Variants in NRG3 observed in about 807,000 individuals in gnomAD.
NRG3 encodes neuregulin 3.
In NRG3, 31 loss-of-function variants were observed where a neutral mutation model predicts 66.9. The observed-to-expected ratio is 0.46, with a 90% CI of 0.35 to 0.63. The LOEUF (loss-of-function observed/expected upper bound fraction) is 0.63. Ranked by LOEUF, NRG3 falls within the 20% of genes least tolerant of loss-of-function variation. NRG3 has a pLI of 0.00. For synonymous variants in NRG3, 393 were observed against 359.4 expected (o/e 1.09, Z -1.06); for missense variants, 910 against 878.9 (o/e 1.04, Z -0.45).
intron 2 of NRG3, among the ~76,000 whole-genome samples, chr10:82,526,178 C>T (rs1298298186): frequency 6.6e-6 from 1 of 151,476 alleles, no homozygotes; most frequent in Non-Finnish European, 1.5e-5. Flanking sequence ...GCTATAATCA[C>T]TAAAGGAATA....
intron 3 of NRG3, among the ~76,000 whole-genome samples, chr10:82,760,053 AG>A (rs1232839011): frequency 2.0e-5 from 3 of 152,282 alleles, no homozygotes; most frequent in African/African-American, 7.2e-5. Flanking sequence ...TCAGAGGATT[AG>A]GGTAACCTCC....
At chr10:82,399,216 T>C (rs12245090) in intron 2 of NRG3, among the ~76,000 whole-genome samples, 63,398 of 151,994 alleles carry the variant, frequency 0.42, 16,539 homozygotes, top group African/African-American at 0.74. Context: ...CCAAAATGAC[T>C]ACTGCTATGA....
intron 2 of NRG3, among the ~76,000 whole-genome samples, chr10:82,673,210 C>T (rs923047782): frequency 6.6e-6 from 1 of 152,202 alleles, no homozygotes; most frequent in Non-Finnish European, 1.5e-5. Flanking sequence ...CGCCTTGCAC[C>T]CTGAGCTGCT....
At chr10:82,450,453 T>C (rs1313542061) in intron 2 of NRG3, among the ~76,000 whole-genome samples, 23 of 152,138 alleles carry the variant, frequency 1.5e-4, no homozygotes, top group Admixed American at 1.5e-3. Flanking sequence ...TTCTCCTTGG[T>C]GGGAAAACTC....
chr10:82,126,898 G>A (rs1046221006), intron 1 of NRG3, among the ~76,000 whole-genome samples: 2 of 152,076 alleles, frequency 1.3e-5, no homozygotes, highest in Non-Finnish European at 2.9e-5. Context: ...ACAGTTGGCA[G>A]TACAGAAGGG....
At chr10:82,722,837 G>T (rs976888917) in intron 2 of NRG3, among the ~76,000 whole-genome samples, 7 of 152,092 alleles carry the variant, frequency 4.6e-5, no homozygotes, top group Admixed American at 2.6e-4. Context: ...AGTTTCCAAA[G>T]TTGGTCTTCA....
At chr10:82,822,056 G>A (rs899767945) in intron 3 of NRG3, among the ~76,000 whole-genome samples, 1 of 152,072 alleles carries the variant, frequency 6.6e-6, no homozygotes, top group Non-Finnish European at 1.5e-5. Flanking sequence ...ATGAGTCAAT[G>A]GAGACCCACA....
At position 82,846,519 on chromosome 10, in the gene NRG3, T is replaced by C. The variant is rs577942801; in HGVS notation, c.1028-18892T>C. On this transcript the variant is annotated intron_variant, in intron 3 of 8. Transcript: ENST00000372141. ...TATTATTTTTCAGTATCAAATAGAA[T>C]TCAAAGAAGAAAGCTGTTTAATGTT... Among the ~76,000 whole-genome samples, 30 of 152,264 alleles carry C rather than the reference T, an allele frequency of 2.0e-4. 2 individuals carry two copies. In the East Asian group the frequency reaches 5.8e-3, roughly 29 times the overall value.
intron 2 of NRG3, among the ~76,000 whole-genome samples, chr10:82,425,177 A>C (rs1353419501): frequency 6.6e-6 from 1 of 152,072 alleles, no homozygotes; most frequent in East Asian, 1.9e-4. Context: ...TTTTGGCAAA[A>C]AGGCCAGCTG....
intron 4 of NRG3, among the ~76,000 whole-genome samples, chr10:82,874,416 C>T: frequency 6.9e-6 from 1 of 144,346 alleles, no homozygotes; most frequent in African/African-American, 2.6e-5. Flanking sequence ...AAGCTGAAGT[C>T]TCTGAAGTAG....
At chr10:82,617,314 G>A (rs1190890167) in intron 2 of NRG3, among the ~76,000 whole-genome samples, 5 of 135,398 alleles carry the variant, frequency 3.7e-5, no homozygotes, top group African/African-American at 8.4e-5. Context: ...CCACACACAC[G>A]CACACATAGA....
chr10:82,357,098 G>C (rs2083831915), intron 1 of NRG3, among the ~76,000 whole-genome samples: 1 of 152,208 alleles, frequency 6.6e-6, no homozygotes, highest in African/African-American at 2.4e-5. Flanking sequence ...GAGGATTTCT[G>C]GGTGTCTTCA....
At chr10:82,743,438 T>A (rs1263469136) in intron 3 of NRG3, among the ~76,000 whole-genome samples, 3 of 152,112 alleles carry the variant, frequency 2.0e-5, no homozygotes, top group African/African-American at 7.2e-5. Flanking sequence ...CCACTGGGTT[T>A]GTGTGCCTCA....
chr10:82,130,909 G>A (rs2068777618), intron 1 of NRG3, among the ~76,000 whole-genome samples: 1 of 152,036 alleles, frequency 6.6e-6, no homozygotes, highest in Non-Finnish European at 1.5e-5. Flanking sequence ...TTCCTATGGA[G>A]TTGTTTGAGC....
intron 1 of NRG3, among the ~76,000 whole-genome samples, chr10:81,966,300 AAT>A (rs2059728084): frequency 6.7e-6 from 1 of 150,322 alleles, no homozygotes; most frequent in Non-Finnish European, 1.5e-5. Flanking sequence ...ATATAAATGT[AAT>A]ATGTGTATAT....
chr10:82,433,670 T>C (rs1001808908), intron 2 of NRG3, among the ~76,000 whole-genome samples: 3 of 152,226 alleles, frequency 2.0e-5, no homozygotes, highest in African/African-American at 7.2e-5. Context: ...TGCATATGGC[T>C]AGCAAGTTTT....
At chr10:82,693,999 A>G (rs1202068329) in intron 2 of NRG3, among the ~76,000 whole-genome samples, 1 of 152,204 alleles carries the variant, frequency 6.6e-6, no homozygotes, top group Non-Finnish European at 1.5e-5. Flanking sequence ...TCCATTTTAC[A>G]GAGTGCTGAT....
rs1221247833 is a variant in NRG3 at position 82,331,334 on chromosome 10, C to T, written c.824-27405C>T. On this transcript the variant is annotated intron_variant, in intron 1 of 8. Coordinates refer to ENST00000372141, the MANE Select transcript of NRG3 (RefSeq NM_001010848.4). Reference sequence around the variant, plus strand: ...ATTTCCATGCAAGTGCTATTTTTACCAGTCTCAGAATTGTGTAAAAGGCTT... The same window carrying T: ...ATTTCCATGCAAGTGCTATTTTTACTAGTCTCAGAATTGTGTAAAAGGCTT... 7.2e-5 allele frequency among the ~76,000 whole-genome samples: 11 copies of T among 152,270 alleles called. No individual in the cohort carries two copies. In the East Asian group the frequency reaches 1.9e-3, roughly 27 times the overall value.
intron 1 of NRG3, among the ~76,000 whole-genome samples, chr10:82,302,503 A>G (rs952176802): frequency 2.6e-5 from 4 of 152,098 alleles, no homozygotes; most frequent in African/African-American, 9.7e-5. Context: ...ACTATAATGC[A>G]TACATTTTGT....
Sources: allele counts gnomAD v4.1 joint callset (sites outside exome capture counted in the v4.1 genomes callset), GRCh38; gene constraint gnomAD v4.1.1; transcripts MANE v1.5; gene names NCBI Gene and HGNC (gene_info 2026-07-23, HGNC 2026-07-21).